EFHD2: variants seen among roughly 807,000 people sequenced by gnomAD.
The protein encoded by EFHD2 is EF-hand domain-containing protein D2.
EFHD2 carries 12 observed loss-of-function variants against 20.3 expected under a neutral mutation model. That is an observed-to-expected ratio of 0.59 (90% CI 0.38 to 0.96). The LOEUF is 0.96. EFHD2 is among the 40% of genes least tolerant of loss of function. The pLI, the probability that EFHD2 is intolerant of heterozygous loss-of-function variation, is 0.00. For synonymous variants in EFHD2, 131 were observed against 143.9 expected, an observed-to-expected ratio of 0.91 and a Z score of 0.64; for missense variants, 250 against 334.3, an observed-to-expected ratio of 0.75 and a Z score of 1.97.
intron 1 of EFHD2, among the ~76,000 whole-genome samples, chr1:15,414,767 C>T (rs1275088466): frequency 1.3e-5 from 2 of 152,214 alleles, no homozygotes; most frequent in Non-Finnish European, 2.9e-5. Context: ...TGAACAGCCA[C>T]TCTGATTGAC....
chr1:15,427,577 G>A (rs1262872031), intron 3 of EFHD2, among the ~76,000 whole-genome samples: 1 of 152,226 alleles, frequency 6.6e-6, no homozygotes. Flanking sequence ...TAACACAGAG[G>A]ACTGGGCCTT....
intron 1 of EFHD2, among the ~76,000 whole-genome samples, chr1:15,419,585 G>C (rs939190027): frequency 5.9e-5 from 9 of 152,224 alleles, no homozygotes; most frequent in Non-Finnish European, 1.3e-4. Context: ...TCTGCTGGCT[G>C]TGTGACCCTG....
Position 15,409,894 on chromosome 1 carries a change from C to CAGGAAG in EFHD2, c.-69_-64dup. 8.4e-7 allele frequency: 1 copy of CAGGAAG among 1,186,654 alleles called. No homozygotes were observed. The highest frequency in any genetic ancestry group is 1.0e-6 in the Non-Finnish European group (1 of 959,712). 73.5% of individuals were successfully genotyped at this position (1,186,654 alleles called of 1,614,324 possible). On this transcript the variant is annotated 5_prime_UTR_variant, in exon 1 of 4. Coordinates refer to ENST00000375980, the MANE Select transcript of EFHD2 (RefSeq NM_024329.6). ...GGGCGGTGCCTGGCCCGGGGAGTGTCAGGAAGAGGAAGAGCGCGGCCGGCG... is the reference window on the plus strand; with the variant it reads ...GGGCGGTGCCTGGCCCGGGGAGTGTCAGGAAGAGGAAGAGGAAGAGCGCGGCCGGCG...
intron 1 of EFHD2, among the ~76,000 whole-genome samples, chr1:15,423,694 A>G (rs569737206): frequency 6.6e-6 from 1 of 152,320 alleles, no homozygotes; most frequent in South Asian, 2.1e-4. Context: ...TTAGGTGTTC[A>G]AAGTACACCT....
chr1:15,425,493 C>T (rs555024991), intron 1 of EFHD2, among the ~76,000 whole-genome samples: 11 of 151,664 alleles, frequency 7.3e-5, no homozygotes, highest in South Asian at 2.1e-4. Flanking sequence ...CCACTGCACT[C>T]GAGCCTGGGC....
rs963805723 is a variant in EFHD2 at position 15,426,408 on chromosome 1, C to T, written c.456+390C>T. Among the ~76,000 whole-genome samples, 8 of 152,112 alleles carry T rather than the reference C, an allele frequency of 5.3e-5. No homozygotes were observed. The highest frequency in any genetic ancestry group is 3.9e-4 in the East Asian group (2 of 5,194). ...GCTGTGATGCAGAGGAAGAGGGCCA[C>T]GGCACTGGGTGACTTCACGCCCAGG... On this transcript the variant is annotated intron_variant, in intron 2 of 3. Coordinates refer to ENST00000375980, the MANE Select transcript of EFHD2 (RefSeq NM_024329.6). The surrounding 1 kb of genome is among the most constrained non-coding windows in gnomAD (Gnocchi z 4.6).
rs191564157 is a variant in EFHD2 at position 15,427,964 on chromosome 1, C to T, written c.592-629C>T. The T allele has an allele frequency of 2.2e-3, 1,039 of 470,738 alleles. 1 individual carries two copies. Among genetic ancestry groups the T allele is most frequent in the Non-Finnish European group, 3.6e-3 (815 of 227,054 alleles). The allele number at this position is 470,738 out of a possible 1,614,324, so 29.2% of individuals were successfully genotyped here. On this transcript the variant is annotated intron_variant, in intron 3 of 3. Transcript: ENST00000375980. Reference sequence around the variant, plus strand: ...AGGATCAGGATGGCAGCAGCTTGAGCGACTCCCTTCGAGCGCCCTTGCTTT... The same window carrying T: ...AGGATCAGGATGGCAGCAGCTTGAGTGACTCCCTTCGAGCGCCCTTGCTTT...
At chr1:15,422,608 TC>T (rs900292693) in intron 1 of EFHD2, among the ~76,000 whole-genome samples, 10 of 151,716 alleles carry the variant, frequency 6.6e-5, no homozygotes, top group Non-Finnish European at 1.5e-4. Context: ...ACACCTGTAA[TC>T]TCAGCACTTT....
chr1:15,427,308 G>A, intron 3 of EFHD2, 24 bp downstream of exon 3: 2 of 1,595,838 alleles, frequency 1.3e-6, no homozygotes, highest in Non-Finnish European at 1.7e-6. Flanking sequence ...GGGGTGCCCT[G>A]ACCCACGCTC....
intron 1 of EFHD2, among the ~76,000 whole-genome samples, chr1:15,420,667 G>A (rs1410890481): frequency 5.3e-5 from 8 of 152,092 alleles, no homozygotes; most frequent in Non-Finnish European, 1.0e-4. Flanking sequence ...TTACAGGTGC[G>A]TGCCACCATG....
Position 15,426,568 on chromosome 1 carries a change from G to A in EFHD2, c.456+550G>A, listed in dbSNP as rs1707874665. The stretch of plus-strand genomic sequence containing the variant: ...CCAGGAAGCACAGGGTTAGGTGTGG[G>A]GACTCGAGGCCCAACTGGGGCCCAG... On this transcript the variant is annotated intron_variant, in intron 2 of 3. Coordinates refer to ENST00000375980, the MANE Select transcript of EFHD2 (RefSeq NM_024329.6). The surrounding 1 kb of genome is among the most constrained non-coding windows in gnomAD (Gnocchi z 4.6). Among the ~76,000 whole-genome samples, 2 of 152,280 alleles carry A rather than the reference G, an allele frequency of 1.3e-5. No individual in the cohort carries two copies. The highest frequency in any genetic ancestry group is 4.1e-4 in the South Asian group (2 of 4,830).
At chr1:15,427,990 G>A (rs1488136702) in intron 3 of EFHD2, 1 of 471,050 alleles carries the variant, frequency 2.1e-6, no homozygotes, top group Non-Finnish European at 4.4e-6. Flanking sequence ...CCCTTGCTTT[G>A]CAGCAGCCAC....
At chr1:15,415,617 T>A (rs760908316) in intron 1 of EFHD2, among the ~76,000 whole-genome samples, 3 of 151,842 alleles carry the variant, frequency 2.0e-5, no homozygotes, top group African/African-American at 4.8e-5. Flanking sequence ...GCCTCCCAAG[T>A]AGCTGGGACT....
chr1:15,421,430 C>A (rs1707790058), intron 1 of EFHD2, among the ~76,000 whole-genome samples: 1 of 152,206 alleles, frequency 6.6e-6, no homozygotes, highest in African/African-American at 2.4e-5. Flanking sequence ...CCCCCGTCAC[C>A]TCCTCTTGGT....
rs536570797 is a variant in EFHD2 at position 15,413,570 on chromosome 1, T to C, written c.308+3291T>C. On this transcript the variant is annotated intron_variant, in intron 1 of 3. Coordinates refer to ENST00000375980, the MANE Select transcript of EFHD2 (RefSeq NM_024329.6). This position sits in a 1 kb window ranked among gnomAD's most constrained non-coding sequence, Gnocchi z 4.4. The stretch of plus-strand genomic sequence containing the variant: ...GGGGAAGAGAGGGGATGGGGGAAGA[T>C]AGACAGACTGTCAGCCATCACTGGT... Among the ~76,000 whole-genome samples the C allele has an allele frequency of 1.3e-5, 2 of 152,150 alleles. No individual in the cohort carries two copies. The highest frequency in any genetic ancestry group is 2.1e-4 in the South Asian group (1 of 4,816).
rs936010133 is a variant in EFHD2, at chr1:15,427,068, C to G, written c.457-82C>G. On this transcript the variant is annotated intron_variant, in intron 2 of 3. Transcript: ENST00000375980. ...CCTTCTCTGCAGGGGAGGCCTGAGG[C>G]TGGGGCCTGGGTGCGGCCAGGGACT... is the stretch of plus-strand genomic sequence containing the variant. 3 of 1,543,602 alleles carry G rather than the reference C, an allele frequency of 1.9e-6. No homozygotes were observed. The African/African-American group carries it at 4.1e-5, about 21-fold the overall frequency.
At chr1:15,427,626 G>T (rs1226007166) in intron 3 of EFHD2, among the ~76,000 whole-genome samples, 1 of 152,176 alleles carries the variant, frequency 6.6e-6, no homozygotes, top group Non-Finnish European at 1.5e-5. Flanking sequence ...GGCTCTCCAG[G>T]GTCCCCGGTA....
intron 1 of EFHD2, among the ~76,000 whole-genome samples, chr1:15,425,330 G>C (rs1707856695): frequency 1.3e-5 from 2 of 152,100 alleles, no homozygotes; most frequent in Admixed American, 1.3e-4. Flanking sequence ...TTCAAGACCA[G>C]CCTGGCCAGC....
intron 1 of EFHD2, among the ~76,000 whole-genome samples, chr1:15,422,327 A>AAG (rs1202393903): frequency 6.6e-6 from 1 of 151,350 alleles, no homozygotes; most frequent in East Asian, 2.0e-4. Flanking sequence ...TCCTGACCTC[A>AAG]TGATCTGCCT....
Sources: allele counts gnomAD v4.1 joint callset (sites outside exome capture counted in the v4.1 genomes callset), GRCh38; gene constraint gnomAD v4.1.1; non-coding constraint Gnocchi (gnomAD v3.1); transcripts MANE v1.5; gene names NCBI Gene and HGNC (gene_info 2026-07-23, HGNC 2026-07-21).